AP1AR: variants seen among roughly 807,000 people sequenced by gnomAD.
The protein encoded by AP1AR is adaptor related protein complex 1 associated regulatory protein, also known as AP-1 complex-associated regulatory protein.
In AP1AR, 29 loss-of-function variants were observed where a neutral mutation model predicts 46.3. The observed-to-expected ratio is 0.63, with a 90% CI of 0.47 to 0.85. AP1AR has a LOEUF of 0.85. Among genes scored for constraint, AP1AR ranks in the 40% least tolerant of loss-of-function variants. AP1AR has a pLI of 0.00. For missense variants in AP1AR, 357 were observed against 356.3 expected (o/e 1.00, Z -0.02); for synonymous variants, 122 against 122.9 (o/e 0.99, Z 0.05).
chr4:112,260,943 T>C (rs1726416463), intron 5 of AP1AR, 81 bp downstream of exon 5: 1 of 858,144 alleles, frequency 1.2e-6, no homozygotes, highest in African/African-American at 1.7e-5. Flanking sequence ...TGTAGAGTCT[T>C]TGGACCTATA....
At chr4:112,267,820 C>T (rs150754779) in intron 9 of AP1AR, among the ~76,000 whole-genome samples, 250 of 152,066 alleles carry the variant, frequency 1.6e-3, no homozygotes, top group African/African-American at 5.8e-3. Flanking sequence ...GACATACTAA[C>T]TTGGCTATAT....
intron 1 of AP1AR, among the ~76,000 whole-genome samples, chr4:112,237,736 G>C (rs1725315724): frequency 6.6e-6 from 1 of 152,084 alleles, no homozygotes; most frequent in Admixed American, 6.5e-5. Context: ...TGGAATTACA[G>C]TTGTGAGCCA....
At chr4:112,257,831 C>A (rs775472543) in intron 4 of AP1AR, 34 bp downstream of exon 4, 2 of 1,509,364 alleles carry the variant, frequency 1.3e-6, no homozygotes. Flanking sequence ...AACAAAACTT[C>A]TATGCAAACT....
In AP1AR at chr4:112,269,288, C is replaced by G. The variant is rs953830875; in HGVS notation, c.*879C>G. On this transcript the variant is annotated 3_prime_UTR_variant, in exon 10 of 10. Transcript: ENST00000274000. ...GAAAAGAAAATCTAAAAAGGTAATACGGGTATTTCAAATAAAATCCTTTCT... is the reference window on the plus strand; with the variant it reads ...GAAAAGAAAATCTAAAAAGGTAATAGGGGTATTTCAAATAAAATCCTTTCT... 2 of 152,066 alleles carry G rather than the reference C, an allele frequency of 1.3e-5. No individual in the cohort carries two copies. Among genetic ancestry groups the G allele is most frequent in the Non-Finnish European group, 2.9e-5 (2 of 67,802 alleles). The allele number at this position is 152,066 out of a possible 1,614,324, so 9.4% of individuals were successfully genotyped here.
chr4:112,268,392 G>C lies in AP1AR; in HGVS notation c.892G>C (p.Asp298His). The change falls in exon 10 of 10, where the codon GAT becomes CAT. Residue 298 changes from aspartate (D) to histidine (H), a missense_variant. Physicochemically the swap from Asp to His is moderately conservative, Grantham distance 81 (BLOSUM62 -1). This residue lies in a region of AP1AR where 88 missense variants were observed against 132.7 expected (regional missense o/e 0.66). Transcript: ENST00000274000. Reference sequence around the variant, plus strand: ...TTCTGGCATAAGGCATTCTGACACAGATCAACAGACTCGATAGGGTAAAAT... The same window carrying C: ...TTCTGGCATAAGGCATTCTGACACACATCAACAGACTCGATAGGGTAAAAT... ...SDSGIRHSDT[D>H]QQTR The C allele has an allele frequency of 1.3e-5, 21 of 1,599,908 alleles. No individual in the cohort carries two copies. Among genetic ancestry groups the C allele is most frequent in the Non-Finnish European group, 1.8e-5 (21 of 1,172,542 alleles).
At chr4:112,265,672 A>C in intron 7 of AP1AR, 62 bp from the exon 8 acceptor site, 1 of 1,226,282 alleles carries the variant, frequency 8.2e-7, no homozygotes, top group Non-Finnish European at 1.2e-6. Flanking sequence ...TCATTAGCTT[A>C]TATATTTGTC....
intron 1 of AP1AR, among the ~76,000 whole-genome samples, chr4:112,239,833 T>C (rs915159501): frequency 1.3e-5 from 2 of 152,236 alleles, no homozygotes; most frequent in African/African-American, 4.8e-5. Context: ...ATAAATTTCA[T>C]GTGGTCAGAG....
At chr4:112,261,214 C>T (rs1726426891) in intron 5 of AP1AR, among the ~76,000 whole-genome samples, 1 of 152,308 alleles carries the variant, frequency 6.6e-6, no homozygotes, top group Admixed American at 6.5e-5. Context: ...AGACAGATTG[C>T]TTGAGCCCAA....
At chr4:112,261,600 G>T (rs1161074183) in intron 5 of AP1AR, among the ~76,000 whole-genome samples, 1 of 152,032 alleles carries the variant, frequency 6.6e-6, no homozygotes, top group African/African-American at 2.4e-5. Context: ...CTATAATTAT[G>T]GTTTTGCACC....
intron 1 of AP1AR, among the ~76,000 whole-genome samples, chr4:112,239,114 C>T (rs992287221): frequency 6.6e-6 from 1 of 152,042 alleles, no homozygotes; most frequent in Non-Finnish European, 1.5e-5. Flanking sequence ...CCCTTCTGTC[C>T]TCTATATTTG....
intron 9 of AP1AR, 48 bp downstream of exon 9, chr4:112,266,764 G>A (rs1266972697): frequency 5.2e-6 from 8 of 1,523,824 alleles, no homozygotes; most frequent in Non-Finnish European, 7.1e-6. Flanking sequence ...CGTAATCTGT[G>A]TTGATTTATG....
In AP1AR at chr4:112,272,334, T is replaced by C. The variant is rs575945866; in HGVS notation, c.*3925T>C. On this transcript the variant is annotated 3_prime_UTR_variant, in exon 10 of 10. Coordinates refer to ENST00000274000, the MANE Select transcript of AP1AR (RefSeq NM_018569.6). Reference sequence around the variant, plus strand: ...CATCTTGAGCTCATGGGCAACAACTTCCCAATAAGAATTTAAGATGGCAGA... The same window carrying C: ...CATCTTGAGCTCATGGGCAACAACTCCCCAATAAGAATTTAAGATGGCAGA... Among the ~76,000 whole-genome samples the C allele has an allele frequency of 2.0e-5, 3 of 152,160 alleles. No individual in the cohort carries two copies. Among genetic ancestry groups the C allele is most frequent in the Admixed American group, 2.0e-4 (3 of 15,278 alleles).
chr4:112,268,471 A>G lies in AP1AR; in HGVS notation c.*62A>G, dbSNP rs1330107075. On this transcript the variant is annotated 3_prime_UTR_variant, in exon 10 of 10. Coordinates refer to ENST00000274000, the MANE Select transcript of AP1AR (RefSeq NM_018569.6). ...AAATGTTAAAAACCAACTAGAATGT[A>G]TAAGTGATTGTGCTTAGCCTTTTTG... is the stretch of plus-strand genomic sequence containing the variant. The G allele has an allele frequency of 1.7e-5, 25 of 1,480,850 alleles. No homozygotes were observed. The highest frequency in any genetic ancestry group is 2.3e-5 in the East Asian group (1 of 43,188). 91.7% of individuals were successfully genotyped at this position (1,480,850 alleles called of 1,614,324 possible). A position where few individuals can be genotyped will look rare whatever the true frequency, so the allele number is the denominator to read the frequency against.
chr4:112,233,335 AGGATTTG>A (rs2046918505), intron 1 of AP1AR, among the ~76,000 whole-genome samples: 3 of 152,246 alleles, frequency 2.0e-5, no homozygotes, highest in Admixed American at 2.0e-4. Context: ...TGGAAGGGCA[AGGATTTG>A]CAGTTTGTGC....
chr4:112,249,478 G>A (rs1374395459), intron 1 of AP1AR, among the ~76,000 whole-genome samples: 1 of 151,738 alleles, frequency 6.6e-6, no homozygotes, highest in Non-Finnish European at 1.5e-5. Context: ...TGGCCAAAGT[G>A]AAACTCCGTC....
intron 5 of AP1AR, among the ~76,000 whole-genome samples, chr4:112,262,380 A>G (rs1375694766): frequency 1.3e-5 from 2 of 152,254 alleles, no homozygotes; most frequent in African/African-American, 4.8e-5. Context: ...AGCTGTTAAT[A>G]TTAGTCTAAA....
Position 112,255,021 on chromosome 4 carries a change from C to T in AP1AR, c.159+248C>T, listed in dbSNP as rs1202472641. Reference sequence around the variant, plus strand: ...TGTCTCCCAGGCTGGAGTGCAGTGGCGGGATCTCGGCTCACTGCAAGCTCC... The same window carrying T: ...TGTCTCCCAGGCTGGAGTGCAGTGGTGGGATCTCGGCTCACTGCAAGCTCC... On this transcript the variant is annotated intron_variant, in intron 3 of 9. Transcript: ENST00000274000. 1.4e-5 allele frequency: 3 copies of T among 217,008 alleles called. No individual in the cohort carries two copies. In the East Asian group the frequency reaches 2.8e-4, roughly 20 times the overall value. 13.4% of individuals were successfully genotyped at this position (217,008 alleles called of 1,614,324 possible). A position where few individuals can be genotyped will look rare whatever the true frequency, so the allele number is the denominator to read the frequency against.
chr4:112,250,034 T>C (rs1257572328), intron 1 of AP1AR, among the ~76,000 whole-genome samples: 1 of 152,230 alleles, frequency 6.6e-6, no homozygotes, highest in African/African-American at 2.4e-5. Flanking sequence ...CCAGGCACTT[T>C]AGAAGCACTT....
intron 7 of AP1AR, 124 bp downstream of exon 7, chr4:112,265,191 C>A: frequency 1.5e-6 from 1 of 659,610 alleles, no homozygotes; most frequent in Non-Finnish European, 2.5e-6. Flanking sequence ...AAAATTATTC[C>A]TTCTAAAAGA....
Sources: allele counts gnomAD v4.1 joint callset (sites outside exome capture counted in the v4.1 genomes callset), GRCh38; gene constraint gnomAD v4.1.1; regional missense constraint gnomAD v4.1.1; transcripts MANE v1.5; gene names NCBI Gene and HGNC (gene_info 2026-07-23, HGNC 2026-07-21).